LRP1B: variants seen among roughly 807,000 people sequenced by gnomAD.
The protein encoded by LRP1B is LDL receptor related protein 1B.
In LRP1B, 217 loss-of-function variants were observed where a neutral mutation model predicts 556.6. The observed-to-expected ratio is 0.39, with a 90% CI of 0.35 to 0.44. The LOEUF (loss-of-function observed/expected upper bound fraction) is 0.44, where lower values mean the gene tolerates loss of function less well. LRP1B is among the 20% of genes least tolerant of loss of function. The probability of loss-of-function intolerance (pLI) is 1.00; values close to 1 mark genes in which losing one functional copy is unlikely to be tolerated. For synonymous variants in LRP1B, 2,047 were observed against 1,865.8 expected (o/e 1.10, Z -2.50); for missense variants, 5,053 against 5,620.8 (o/e 0.90, Z 3.23).
chr2:141,305,234 T>C (rs905082807), intron 3 of LRP1B, among the ~76,000 whole-genome samples: 8 of 152,216 alleles, frequency 5.3e-5, no homozygotes, highest in Non-Finnish European at 8.8e-5. Flanking sequence ...TATTTTTGCA[T>C]TTCTTTTATC....
intron 24 of LRP1B, among the ~76,000 whole-genome samples, chr2:140,885,840 G>T (rs560476169): frequency 6.8e-6 from 1 of 146,774 alleles, no homozygotes; most frequent in Admixed American, 6.8e-5. Context: ...TCCTAAAAAT[G>T]TGACTAATGG....
intron 6 of LRP1B, among the ~76,000 whole-genome samples, chr2:141,203,797 C>A (rs1682147870): frequency 6.6e-6 from 1 of 152,158 alleles, no homozygotes; most frequent in Non-Finnish European, 1.5e-5. Flanking sequence ...CACTCCTCAG[C>A]AAATGCAAAA....
At chr2:141,458,898 G>A (rs1342988449) in intron 3 of LRP1B, among the ~76,000 whole-genome samples, 1 of 152,110 alleles carries the variant, frequency 6.6e-6, no homozygotes. Flanking sequence ...GAATGTCTCA[G>A]ACTGAAAAAT....
intron 1 of LRP1B, among the ~76,000 whole-genome samples, chr2:142,045,158 A>G (rs1427439422): frequency 1.4e-5 from 2 of 144,678 alleles, no homozygotes; most frequent in Non-Finnish European, 3.1e-5. Flanking sequence ...AAAAAAAAAC[A>G]ACAACAAAAA....
intron 3 of LRP1B, among the ~76,000 whole-genome samples, chr2:141,256,977 A>G (rs1322395853): frequency 6.6e-6 from 1 of 152,088 alleles, no homozygotes; most frequent in Non-Finnish European, 1.5e-5. Context: ...GGTATCAGCG[A>G]TAAGAACTAC....
intron 16 of LRP1B, among the ~76,000 whole-genome samples, chr2:140,993,307 A>G (rs998611799): frequency 1.3e-5 from 2 of 152,096 alleles, no homozygotes; most frequent in African/African-American, 4.8e-5. Context: ...TCACTTAGCC[A>G]GTGACTCTAA....
intron 1 of LRP1B, among the ~76,000 whole-genome samples, chr2:142,006,497 C>T (rs1702805078): frequency 6.6e-6 from 1 of 152,150 alleles, no homozygotes; most frequent in South Asian, 2.1e-4. Flanking sequence ...ACTGTGACTT[C>T]CTTTGCATTT....
chr2:141,219,289 C>T (rs1259859710), intron 6 of LRP1B, among the ~76,000 whole-genome samples: 4 of 152,206 alleles, frequency 2.6e-5, no homozygotes, highest in Admixed American at 6.5e-5. Flanking sequence ...GCAGTTTAAA[C>T]TGAGAGGAAT....
chr2:140,921,840 A>T (rs952859116), intron 21 of LRP1B, among the ~76,000 whole-genome samples: 1 of 152,046 alleles, frequency 6.6e-6, no homozygotes, highest in African/African-American at 2.4e-5. Flanking sequence ...TTAAGAAAAG[A>T]AAGACAGTGC....
intron 2 of LRP1B, among the ~76,000 whole-genome samples, chr2:141,647,347 T>C (rs1266907358): frequency 6.6e-6 from 1 of 152,158 alleles, no homozygotes; most frequent in Non-Finnish European, 1.5e-5. Flanking sequence ...CCTGATTAAA[T>C]AAGATAGAGG....
chr2:140,948,678 G>T (rs1371628368), intron 20 of LRP1B, among the ~76,000 whole-genome samples: 1 of 152,040 alleles, frequency 6.6e-6, no homozygotes, highest in East Asian at 1.9e-4. Context: ...TAATTTCTAC[G>T]ATGTCCATTG....
At chr2:141,131,407 T>TTATATATATATATAAATATATATA (rs1701350392) in intron 7 of LRP1B, among the ~76,000 whole-genome samples, 3 of 110,682 alleles carry the variant, frequency 2.7e-5, no homozygotes, top group African/African-American at 1.2e-4. Context: ...ATGCATAAAG[T>TTATATATATATATAAATATATATA]TATATATATA....
chr2:141,332,844 T>C (rs1465478430), intron 3 of LRP1B, among the ~76,000 whole-genome samples: 1 of 151,524 alleles, frequency 6.6e-6, no homozygotes, highest in African/African-American at 2.4e-5. Context: ...TTCAGGGTAC[T>C]ATAATCACCA....
intron 66 of LRP1B, among the ~76,000 whole-genome samples, chr2:140,387,331 C>T (rs1198823289): frequency 6.6e-6 from 1 of 152,150 alleles, no homozygotes; most frequent in Non-Finnish European, 1.5e-5. Context: ...AAATTAAATA[C>T]TGAGCATCTA....
intron 1 of LRP1B, among the ~76,000 whole-genome samples, chr2:141,816,974 G>T (rs1696577484): frequency 6.6e-6 from 1 of 151,964 alleles, no homozygotes; most frequent in Non-Finnish European, 1.5e-5. Flanking sequence ...AACCACCTAT[G>T]TATTTTTCAA....
intron 43 of LRP1B, among the ~76,000 whole-genome samples, chr2:140,565,707 AGAGTACATC>A (rs923747485): frequency 3.9e-5 from 6 of 152,198 alleles, no homozygotes; most frequent in African/African-American, 1.4e-4. Flanking sequence ...GGAGAGCACC[AGAGTACATC>A]GAAGGAGTAA....
intron 3 of LRP1B, among the ~76,000 whole-genome samples, chr2:141,343,251 C>T (rs1053840136): frequency 6.6e-6 from 1 of 152,132 alleles, no homozygotes; most frequent in African/African-American, 2.4e-5. Context: ...CTATTTAGGT[C>T]TTTGCATAAT....
chr2:141,975,528 C>T (rs1701861929), intron 1 of LRP1B, among the ~76,000 whole-genome samples: 2 of 152,082 alleles, frequency 1.3e-5, no homozygotes, highest in South Asian at 4.1e-4. Context: ...GGGTGGCACA[C>T]TCTAATTCTT....
At chr2:141,447,604 G>A (rs1366112224) in intron 3 of LRP1B, among the ~76,000 whole-genome samples, 1 of 152,134 alleles carries the variant, frequency 6.6e-6, no homozygotes, top group Non-Finnish European at 1.5e-5. Context: ...TTGAGTGGAT[G>A]TCCTTTTTGT....
Sources: gnomAD v4.1 joint callset for allele counts (sites outside exome capture counted in the v4.1 genomes callset) on GRCh38, gnomAD v4.1.1 for gene constraint, MANE v1.5 for transcripts, NCBI Gene and HGNC (gene_info 2026-07-23, HGNC 2026-07-21) for gene names.